Variants in KASH5 observed in about 807,000 individuals in gnomAD.
KASH5 encodes KASH domain containing 5.
In KASH5, 72 loss-of-function variants were observed where a neutral mutation model predicts 84.2. The ratio of observed to expected loss-of-function variants is 0.85; its 90% CI spans 0.71 to 1.04. The LOEUF is 1.04. Ranked by LOEUF, KASH5 falls within the 50% of genes least tolerant of loss-of-function variation. KASH5 has a pLI of 0.00. For synonymous variants in KASH5, 260 were observed against 279.1 expected (o/e 0.93, Z 0.68); for missense variants, 650 against 701.0 (o/e 0.93, Z 0.82).
chr19:49,391,333 C>T (rs188984423), intron 2 of KASH5, among the ~76,000 whole-genome samples: 33 of 152,292 alleles, frequency 2.2e-4, no homozygotes, highest in Non-Finnish European at 1.6e-4. Context: ...AGCATGAGCT[C>T]CACAAGGCAG....
intron 15 of KASH5, among the ~76,000 whole-genome samples, chr19:49,410,182 G>A (rs61143978): frequency 0.033 from 4,968 of 152,240 alleles, 222 homozygotes; most frequent in African/African-American, 0.1. Flanking sequence ...ATTTAAAATC[G>A]TACTACTGTA....
chr19:49,394,552 G>T lies in KASH5; in HGVS notation c.120G>T (p.Thr40=), dbSNP rs79229997. ...TGGAGGAGCAAATACTCAACTCCAC[G>T]TTCGAAGCTTGTGACCCTCAGAGGA... ...VSLEEQILNS[T]FEACDPQRTG... Residue 40 remains threonine, a synonymous_variant, in exon 3 of 20, where the codon ACG becomes ACT. Transcript: ENST00000447857. The T allele has an allele frequency of 9.9e-6, 16 of 1,613,566 alleles. No individual in the cohort carries two copies.
rs577287772 is a variant in KASH5, at chr19:49,411,980, G to C, written c.1270-988G>C. On this transcript the variant is annotated intron_variant, in intron 15 of 19. Coordinates refer to ENST00000447857, the MANE Select transcript of KASH5 (RefSeq NM_144688.5). ...GGAAGGAAGGAAGGAAGGAAAGAAGGAAGCCAGCCTTTGAGGCACTAGCAC... is the reference window on the plus strand; with the variant it reads ...GGAAGGAAGGAAGGAAGGAAAGAAGCAAGCCAGCCTTTGAGGCACTAGCAC... Among the ~76,000 whole-genome samples the C allele has an allele frequency of 3.7e-3, 519 of 141,540 alleles. 4 individuals carry two copies. Among genetic ancestry groups the C allele is most frequent in the African/African-American group, 0.014 (450 of 33,054 alleles). 92.9% of individuals were successfully genotyped at this position (141,540 alleles called of 152,430 possible). A position where few individuals can be genotyped will look rare whatever the true frequency, so the allele number is the denominator to read the frequency against.
intron 12 of KASH5, 125 bp downstream of exon 12, chr19:49,407,796 G>C (rs937249008): frequency 3.4e-6 from 3 of 891,786 alleles, no homozygotes; most frequent in Non-Finnish European, 5.5e-6. Flanking sequence ...TTCCATCCTT[G>C]ATGTATGACT....
chr19:49,402,803 A>G (rs142425604), intron 9 of KASH5, among the ~76,000 whole-genome samples: 2 of 152,348 alleles, frequency 1.3e-5, no homozygotes, highest in East Asian at 3.9e-4. Context: ...TAACCAGACT[A>G]CATGGATAAT....
chr19:49,397,601 C>T (rs773876974), intron 5 of KASH5, 50 bp from the exon 6 acceptor site: 9 of 1,566,534 alleles, frequency 5.7e-6, no homozygotes, highest in South Asian at 4.5e-5. Context: ...GGGCACTTTA[C>T]GTTTAAGGGT....
At chr19:49,393,097 C>T (rs1446838380) in intron 2 of KASH5, among the ~76,000 whole-genome samples, 1 of 152,138 alleles carries the variant, frequency 6.6e-6, no homozygotes, top group Admixed American at 6.6e-5. Context: ...AGAAAGTTGA[C>T]TCATATGTTA....
At chr19:49,406,793 A>G (rs1974539926) in intron 9 of KASH5, 93 bp from the exon 10 acceptor site, 4 of 1,100,616 alleles carry the variant, frequency 3.6e-6, no homozygotes, top group Non-Finnish European at 5.4e-6. Flanking sequence ...ATGAGGCCTG[A>G]TGTATATCAA....
At position 49,409,781 on chromosome 19, in the gene KASH5, C is replaced by T. The variant is rs1974653287; in HGVS notation, c.1175C>T (p.Ser392Phe). 1 of 1,613,894 alleles carries T rather than the reference C, an allele frequency of 6.2e-7. No homozygotes were observed. Among genetic ancestry groups the T allele is most frequent in the African/African-American group, 1.3e-5 (1 of 74,946 alleles). The change falls in exon 15 of 20, where the codon TCC becomes TTC. Residue 392 changes from serine (S) to phenylalanine (F), a missense_variant. Coordinates refer to ENST00000447857, the MANE Select transcript of KASH5 (RefSeq NM_144688.5). ...CAGGAAGTGGCAACTGCTGATCTCT[C>T]CAACCCTCTGTGTGGGGTGTGGCAG... ...QKQEVATADLSNPLCGVWQWE... is the reference protein window; with the variant it reads ...QKQEVATADLFNPLCGVWQWE...
chr19:49,414,796 AGGCCCG>A lies in KASH5; in HGVS notation c.1329-154_1329-149del, dbSNP rs1974846281. Among the ~76,000 whole-genome samples the A allele has an allele frequency of 2.8e-5, 4 of 145,028 alleles. No homozygotes were observed. Among genetic ancestry groups the A allele is most frequent in the African/African-American group, 7.7e-5 (3 of 38,816 alleles). On this transcript the variant is annotated intron_variant, in intron 16 of 19. Transcript: ENST00000447857. This position sits in a 1 kb window ranked among gnomAD's most constrained non-coding sequence, Gnocchi z 4.5. ...CCGTCCGTGCTGCCTGGCCTCCCCC[AGGCCCG>A]TCCGTGCTGCCTGGCCTCCCCCAGG...
In KASH5 at chr19:49,416,989, C is replaced by T; in HGVS notation, c.1375-26C>T. ...CCTCTCAGTCCAGAACCCGGTGCCT[C>T]CAACGCATCTCTTCTGTCCTTGCAG... is the stretch of plus-strand genomic sequence containing the variant. On this transcript the variant is annotated intron_variant, in intron 17 of 19. Transcript: ENST00000447857. This position sits in a 1 kb window ranked among gnomAD's most constrained non-coding sequence, Gnocchi z 5.4. 6.4e-7 allele frequency: 1 copy of T among 1,567,960 alleles called. No homozygotes were observed. Among genetic ancestry groups the T allele is most frequent in the Non-Finnish European group, 8.6e-7 (1 of 1,156,978 alleles).
chr19:49,415,089 A>G, intron 17 of KASH5, 93 bp downstream of exon 17: 2 of 1,185,398 alleles, frequency 1.7e-6, no homozygotes, highest in East Asian at 2.5e-5. Context: ...CCAGCCTCAC[A>G]CTCCAACTCC....
chr19:49,403,129 G>A (rs7255503), intron 9 of KASH5, among the ~76,000 whole-genome samples: 2,679 of 152,246 alleles, frequency 0.018, 38 homozygotes, highest in Non-Finnish European at 0.029. Flanking sequence ...AGGCCGAGGC[G>A]GGCAGATCAC....
rs1974288293 is a variant in KASH5, at chr19:49,399,374, G to A, written c.748-83G>A. On this transcript the variant is annotated intron_variant, in intron 8 of 19. Coordinates refer to ENST00000447857, the MANE Select transcript of KASH5 (RefSeq NM_144688.5). This position sits in a 1 kb window ranked among gnomAD's most constrained non-coding sequence, Gnocchi z 4.4. ...AGACCCATTCCCCCAGGCCCTGGTT[G>A]TGTTTTCAGGGGTGGGAGAAGGGCA... 1 of 1,355,778 alleles carries A rather than the reference G, an allele frequency of 7.4e-7. No homozygotes were observed. The highest frequency in any genetic ancestry group is 1.3e-5 in the South Asian group (1 of 79,538). 84.0% of individuals were successfully genotyped at this position (1,355,778 alleles called of 1,614,324 possible).
At position 49,395,910 on chromosome 19, in the gene KASH5, C is replaced by A; in HGVS notation, c.400+77C>A. ...TGGGGACTTACCACCCAGGGCAGAG[C>A]AAGGGATAGGGTAGGAACCAGGGAC... On this transcript the variant is annotated intron_variant, in intron 5 of 19. Transcript: ENST00000447857. The surrounding 1 kb of genome is among the most constrained non-coding windows in gnomAD (Gnocchi z 4.4). 1 of 1,259,142 alleles carries A rather than the reference C, an allele frequency of 7.9e-7. No homozygotes were observed. The highest frequency in any genetic ancestry group is 1.1e-6 in the Non-Finnish European group (1 of 892,198). The allele number at this position is 1,259,142 out of a possible 1,614,324, so 78.0% of individuals were successfully genotyped here.
At chr19:49,406,256 T>C (rs1193273253) in intron 9 of KASH5, among the ~76,000 whole-genome samples, 1 of 152,174 alleles carries the variant, frequency 6.6e-6, no homozygotes, top group Non-Finnish European at 1.5e-5. Flanking sequence ...TTCTTTTGAT[T>C]TTAAAATTGG....
chr19:49,398,598 G>A (rs1600910612), intron 7 of KASH5, among the ~76,000 whole-genome samples: 1 of 151,862 alleles, frequency 6.6e-6, no homozygotes, highest in Non-Finnish European at 1.5e-5. Context: ...CAAACTCCTG[G>A]GCTCAAGCCA....
At position 49,407,308 on chromosome 19, in the gene KASH5, C is replaced by G; in HGVS notation, c.933+12C>G. On this transcript the variant is annotated intron_variant, in intron 11 of 19. Transcript: ENST00000447857. ...CCATCCTCTCTGAGGTAAGGGGCCC[C>G]GGGAGGGAAAGAGATTCGCTTTCCA... 3.1e-6 allele frequency: 5 copies of G among 1,613,286 alleles called. No homozygotes were observed. Among genetic ancestry groups the G allele is most frequent in the Non-Finnish European group, 4.2e-6 (5 of 1,179,540 alleles).
At chr19:49,394,379 C>A in intron 2 of KASH5, 97 bp from the exon 3 acceptor site, 1 of 901,582 alleles carries the variant, frequency 1.1e-6, no homozygotes, top group Non-Finnish European at 1.8e-6. Flanking sequence ...AGTGAATTCC[C>A]TCCCCGCTAC....
Sources: allele counts gnomAD v4.1 joint callset (sites outside exome capture counted in the v4.1 genomes callset), GRCh38; gene constraint gnomAD v4.1.1; non-coding constraint Gnocchi (gnomAD v3.1); transcripts MANE v1.5; gene names NCBI Gene and HGNC (gene_info 2026-07-23, HGNC 2026-07-21).